Variants in PGCKA1 observed in about 807,000 individuals in gnomAD.
The protein encoded by PGCKA1 is PDCD10 and GCKIII kinases associated 1.
chr4:37,579,133 GA>G, the PGCKA1 span, among the ~76,000 whole-genome samples: 2 of 151,124 alleles, frequency 1.3e-5, no homozygotes, highest in African/African-American at 2.4e-5. Flanking sequence ...AAACCAACAA[GA>G]AAAAAAACCA....
chr4:37,583,444 T>C, the PGCKA1 span, among the ~76,000 whole-genome samples: 1 of 148,778 alleles, frequency 6.7e-6, no homozygotes, highest in Admixed American at 6.6e-5. Flanking sequence ...TGTTTTTGTT[T>C]TTTTTTTTTT....
chr4:37,543,605 G>C, the PGCKA1 span, among the ~76,000 whole-genome samples: 2 of 151,964 alleles, frequency 1.3e-5, no homozygotes, highest in South Asian at 4.2e-4. Context: ...ACTTTGGGAG[G>C]CCGAGGCAGG....
the PGCKA1 span, among the ~76,000 whole-genome samples, chr4:37,459,573 G>A: frequency 6.6e-6 from 1 of 152,062 alleles, no homozygotes; most frequent in Non-Finnish European, 1.5e-5. Flanking sequence ...GTAAGCTTTG[G>A]TCCTCGAAGT....
At chr4:37,539,283 G>A in the PGCKA1 span, among the ~76,000 whole-genome samples, 1 of 152,258 alleles carries the variant, frequency 6.6e-6, no homozygotes, top group African/African-American at 2.4e-5. Context: ...TGTGGTTATC[G>A]CGTTCTGCTG....
the PGCKA1 span, among the ~76,000 whole-genome samples, chr4:37,483,352 G>C: frequency 6.6e-6 from 1 of 152,082 alleles, no homozygotes; most frequent in Non-Finnish European, 1.5e-5. Flanking sequence ...ACTAATAAAG[G>C]CTGCAACATA....
the PGCKA1 span, among the ~76,000 whole-genome samples, chr4:37,557,519 G>A: frequency 3.9e-5 from 6 of 152,286 alleles, no homozygotes; most frequent in South Asian, 2.1e-4. Flanking sequence ...GATAACCATC[G>A]TTCGCTATAA....
chr4:37,464,144 A>G, the PGCKA1 span, among the ~76,000 whole-genome samples: 1 of 152,170 alleles, frequency 6.6e-6, no homozygotes, highest in African/African-American at 2.4e-5. Context: ...GCCCTTTGGA[A>G]AGAAACTGGG....
chr4:37,475,381 C>G, the PGCKA1 span, among the ~76,000 whole-genome samples: 1 of 152,126 alleles, frequency 6.6e-6, no homozygotes, highest in Admixed American at 6.6e-5. Context: ...CACCCCACCC[C>G]ATCACCATGA....
At chr4:37,546,541 G>C in the PGCKA1 span, among the ~76,000 whole-genome samples, 4 of 152,214 alleles carry the variant, frequency 2.6e-5, no homozygotes, top group Non-Finnish European at 5.9e-5. Context: ...CCCTTAAAAG[G>C]GATAGAAATT....
chr4:37,529,660 G>A, the PGCKA1 span, among the ~76,000 whole-genome samples: 1 of 152,168 alleles, frequency 6.6e-6, no homozygotes, highest in South Asian at 2.1e-4. Context: ...CTCTATTCCG[G>A]AGGGGAAAAT....
At chr4:37,533,774 C>A in the PGCKA1 span, among the ~76,000 whole-genome samples, 2 of 152,158 alleles carry the variant, frequency 1.3e-5, no homozygotes, top group Non-Finnish European at 2.9e-5. Flanking sequence ...CATATTTGAA[C>A]AGTCATCTAA....
chr4:37,577,514 A>AC, the PGCKA1 span, among the ~76,000 whole-genome samples: 2 of 151,996 alleles, frequency 1.3e-5, no homozygotes, highest in African/African-American at 4.8e-5. Context: ...TTCAAAAAAA[A>AC]CCAATCTTTT....
the PGCKA1 span, among the ~76,000 whole-genome samples, chr4:37,563,158 G>T: frequency 3.1e-5 from 4 of 128,618 alleles, no homozygotes; most frequent in Non-Finnish European, 5.3e-5. Flanking sequence ...AGTTGGGTGG[G>T]ATAACTTCTA....
chr4:37,517,108 A>C, the PGCKA1 span, among the ~76,000 whole-genome samples: 2 of 151,862 alleles, frequency 1.3e-5, no homozygotes, highest in African/African-American at 4.8e-5. Context: ...AAAATTAGCC[A>C]GGCATGGTGG....
chr4:37,466,820 A>G, the PGCKA1 span, among the ~76,000 whole-genome samples: 63,373 of 152,090 alleles, frequency 0.42, 14,038 homozygotes, highest in Non-Finnish European at 0.49. Context: ...TATGTAGGCC[A>G]AGCACGCTGG....
At chr4:37,543,607 C>T in the PGCKA1 span, among the ~76,000 whole-genome samples, 4 of 151,230 alleles carry the variant, frequency 2.6e-5, no homozygotes, top group Non-Finnish European at 4.4e-5. Flanking sequence ...TTTGGGAGGC[C>T]GAGGCAGGCG....
At chr4:37,568,977 G>A in the PGCKA1 span, among the ~76,000 whole-genome samples, 1 of 151,818 alleles carries the variant, frequency 6.6e-6, no homozygotes, top group Non-Finnish European at 1.5e-5. Flanking sequence ...TGTGCATGTA[G>A]TTGCAGCTAC....
At chr4:37,579,169 C>G in the PGCKA1 span, among the ~76,000 whole-genome samples, 1 of 152,120 alleles carries the variant, frequency 6.6e-6, no homozygotes, top group East Asian at 1.9e-4. Flanking sequence ...AAGATTCTAA[C>G]TTCATCCCCT....
chr4:37,521,632 T>C, the PGCKA1 span, among the ~76,000 whole-genome samples: 1 of 152,240 alleles, frequency 6.6e-6, no homozygotes, highest in African/African-American at 2.4e-5. Context: ...GAATGATCCA[T>C]GTGCTGGTGA....
Sources: gnomAD v4.1 joint callset for allele counts (sites outside exome capture counted in the v4.1 genomes callset) on GRCh38, gnomAD v4.1.1 for gene constraint, MANE v1.5 for transcripts, NCBI Gene and HGNC (gene_info 2026-07-23, HGNC 2026-07-21) for gene names.